SOBP: variants seen among roughly 807,000 people sequenced by gnomAD.
SOBP encodes sine oculis binding protein homolog.
Under a neutral mutation model 53.6 loss-of-function variants are expected in SOBP, and 4 were observed. The observed-to-expected ratio is 0.07, with a 90% CI of 0.04 to 0.17. The LOEUF (loss-of-function observed/expected upper bound fraction) is 0.17, where lower values mean the gene tolerates loss of function less well. SOBP is among the 10% of genes least tolerant of loss of function. The pLI is 1.00. For synonymous variants in SOBP, 584 were observed against 522.6 expected (o/e 1.12, Z -1.60); for missense variants, 1,088 against 1,204.7 (o/e 0.90, Z 1.43).
chr6:107,569,570 G>A (rs569771862), intron 4 of SOBP, among the ~76,000 whole-genome samples: 74 of 152,280 alleles, frequency 4.9e-4, no homozygotes, highest in South Asian at 4.1e-4. Flanking sequence ...GGCTAGTGTT[G>A]CATCTTATAA....
At chr6:107,517,363 T>C (rs1016916070) in intron 3 of SOBP, among the ~76,000 whole-genome samples, 3 of 152,178 alleles carry the variant, frequency 2.0e-5, no homozygotes, top group African/African-American at 7.2e-5. Flanking sequence ...GTGAAGTCTC[T>C]CTCCTTGGAG....
chr6:107,490,652 A>G lies in SOBP; in HGVS notation c.36A>G (p.Glu12=), dbSNP rs1458121631. Residue 12 remains glutamate, a synonymous_variant, in exon 1 of 7, where the codon GAA becomes GAG. Coordinates refer to ENST00000317357, the MANE Select transcript of SOBP (RefSeq NM_018013.4). The part of the protein sequence containing the change: ...AEMEKEGRPP[E]NKRSRKPAHP... ...TGGAGAAAGAAGGGAGACCTCCCGA[A>G]AATAAACGGAGCAGGAAGCCGGCTC... 1 of 1,608,846 alleles carries G rather than the reference A, an allele frequency of 6.2e-7. No homozygotes were observed. Among genetic ancestry groups the G allele is most frequent in the South Asian group, 1.1e-5 (1 of 90,192 alleles).
chr6:107,605,156 T>C (rs1455441423), intron 5 of SOBP, among the ~76,000 whole-genome samples: 1 of 152,190 alleles, frequency 6.6e-6, no homozygotes, highest in Non-Finnish European at 1.5e-5. Flanking sequence ...CTTCCTGTAT[T>C]CTCTGGATAC....
intron 4 of SOBP, among the ~76,000 whole-genome samples, chr6:107,561,114 C>G (rs934286977): frequency 6.6e-6 from 1 of 152,118 alleles, no homozygotes; most frequent in African/African-American, 2.4e-5. Flanking sequence ...TGTGCCAAAC[C>G]TATCAGTGTA....
At chr6:107,515,091 G>A (rs193253881) in intron 3 of SOBP, 69 of 152,302 alleles carry the variant, frequency 4.5e-4, no homozygotes, top group Non-Finnish European at 4.7e-4. Context: ...TTGATGTTAT[G>A]CATAGTGATT....
chr6:107,607,822 C>T (rs557319994), intron 5 of SOBP, among the ~76,000 whole-genome samples: 24 of 152,308 alleles, frequency 1.6e-4, no homozygotes, highest in Admixed American at 1.2e-3. Flanking sequence ...GAGAGCTTTG[C>T]CCCTTACCAG....
intron 3 of SOBP, among the ~76,000 whole-genome samples, chr6:107,533,165 C>CTT (rs755278856): frequency 9.1e-5 from 10 of 109,464 alleles, no homozygotes; most frequent in East Asian, 5.1e-4. Context: ...GCAGATGAAG[C>CTT]TTTTTTTTTT....
intron 6 of SOBP, among the ~76,000 whole-genome samples, chr6:107,640,969 G>A (rs939325364): frequency 4.6e-5 from 7 of 152,162 alleles, no homozygotes; most frequent in Non-Finnish European, 7.3e-5. Flanking sequence ...TCCCTGGATG[G>A]CCTTCAGCAA....
intron 4 of SOBP, among the ~76,000 whole-genome samples, chr6:107,539,761 C>T (rs573522934): frequency 6.6e-6 from 1 of 152,170 alleles, no homozygotes; most frequent in Non-Finnish European, 1.5e-5. Context: ...CTTATTGATC[C>T]AGTCACTTAC....
At chr6:107,604,148 T>C (rs1222813646) in intron 5 of SOBP, among the ~76,000 whole-genome samples, 3 of 152,224 alleles carry the variant, frequency 2.0e-5, no homozygotes, top group Admixed American at 2.0e-4. Flanking sequence ...ATTATTGACA[T>C]ATTTAATTCC....
At chr6:107,515,832 A>G (rs1348119900) in intron 3 of SOBP, among the ~76,000 whole-genome samples, 1 of 152,226 alleles carries the variant, frequency 6.6e-6, no homozygotes, top group African/African-American at 2.4e-5. Flanking sequence ...ACCAAAGCCA[A>G]TGATATATGC....
intron 1 of SOBP, among the ~76,000 whole-genome samples, chr6:107,502,031 G>T (rs1014134913): frequency 2.0e-5 from 3 of 152,120 alleles, no homozygotes; most frequent in Admixed American, 2.0e-4. Context: ...GACCCAGTTG[G>T]AGTTCAGAGC....
chr6:107,632,875 G>A (rs1770779001), intron 5 of SOBP, among the ~76,000 whole-genome samples: 1 of 152,112 alleles, frequency 6.6e-6, no homozygotes, highest in Non-Finnish European at 1.5e-5. Flanking sequence ...GAGAGAGAGT[G>A]GGCAAACAGC....
chr6:107,538,897 G>A lies in SOBP; in HGVS notation c.573+5287G>A, dbSNP rs539626235. Among the ~76,000 whole-genome samples, 13 of 152,340 alleles carry A rather than the reference G, an allele frequency of 8.5e-5. No homozygotes were observed. The South Asian group carries it at 2.5e-3, about 29-fold the overall frequency. On this transcript the variant is annotated intron_variant, in intron 4 of 6. Coordinates refer to ENST00000317357, the MANE Select transcript of SOBP (RefSeq NM_018013.4). Reference sequence around the variant, plus strand: ...CGTCAGTCCTTGGAAACACATTTGGGAGTAGGGTTAGAGCAGGAAGGTTCT... The same window carrying A: ...CGTCAGTCCTTGGAAACACATTTGGAAGTAGGGTTAGAGCAGGAAGGTTCT...
chr6:107,596,091 A>C (rs968626950), intron 5 of SOBP, among the ~76,000 whole-genome samples: 1 of 152,194 alleles, frequency 6.6e-6, no homozygotes, highest in South Asian at 2.1e-4. Context: ...TGCCCTGGCC[A>C]AGAGCTTTGT....
chr6:107,554,626 T>C (rs370148328), intron 4 of SOBP, among the ~76,000 whole-genome samples: 20 of 152,150 alleles, frequency 1.3e-4, no homozygotes, highest in Admixed American at 3.3e-4. Context: ...CTGGAATCCA[T>C]TGGAGCCACC....
Position 107,507,737 on chromosome 6 carries a change from ATCT to A in SOBP, c.421+1314_421+1316del, listed in dbSNP as rs1783039840. 2.0e-5 allele frequency among the ~76,000 whole-genome samples: 3 copies of A among 152,200 alleles called. No homozygotes were observed. In the South Asian group the frequency reaches 6.2e-4, roughly 32 times the overall value. On this transcript the variant is annotated intron_variant, in intron 3 of 6. Transcript: ENST00000317357. ...GGTTGGACACCCCTGAAAATTACAT[ATCT>A]TCTCCAACAGAGTGTTTTCTAATTC...
intron 3 of SOBP, chr6:107,514,014 T>G (rs1206364935): frequency 6.6e-6 from 1 of 152,650 alleles, no homozygotes; most frequent in Non-Finnish European, 1.5e-5. Context: ...ACACAGATAC[T>G]GAGTGGCAGA....
intron 4 of SOBP, among the ~76,000 whole-genome samples, chr6:107,537,579 G>C (rs1784035168): frequency 2.0e-5 from 3 of 152,186 alleles, no homozygotes; most frequent in African/African-American, 7.2e-5. Flanking sequence ...CCAGCACTTT[G>C]GGAGGTGGAG....
Sources: allele counts gnomAD v4.1 joint callset (sites outside exome capture counted in the v4.1 genomes callset), GRCh38; gene constraint gnomAD v4.1.1; transcripts MANE v1.5; gene names NCBI Gene and HGNC (gene_info 2026-07-23, HGNC 2026-07-21).